The following TENM3 variants were observed in gnomAD, a reference collection of about 807,000 sequenced individuals.
TENM3 encodes teneurin transmembrane protein 3.
A neutral mutation model predicts 255.1 loss-of-function variants in TENM3; 63 were observed. That is an observed-to-expected ratio of 0.25 (90% CI 0.20 to 0.30). The LOEUF is 0.30. Ranked by LOEUF, TENM3 falls within the 10% of genes least tolerant of loss-of-function variation. TENM3 has a pLI of 1.00. For missense variants in TENM3, 2,929 were observed against 3,461.1 expected (o/e 0.85, Z 3.86); for synonymous variants, 1,306 against 1,322.3 (o/e 0.99, Z 0.27).
At chr4:182,581,582 CAAT>C (rs1745500930) in intron 3 of TENM3, among the ~76,000 whole-genome samples, 1 of 151,944 alleles carries the variant, frequency 6.6e-6, no homozygotes, top group African/African-American at 2.4e-5. Flanking sequence ...TACAAAAACA[CAAT>C]AATTAGGCAG....
the TENM3 span, among the ~76,000 whole-genome samples, chr4:181,664,225 TG>T: frequency 1.3e-5 from 2 of 152,244 alleles, no homozygotes; most frequent in Non-Finnish European, 2.9e-5. Context: ...CCCAGCACTT[TG>T]GGAAGCCAAG....
intron 2 of TENM3, among the ~76,000 whole-genome samples, chr4:182,343,664 C>A (rs975169103): frequency 2.0e-5 from 3 of 151,354 alleles, no homozygotes. Flanking sequence ...TCCTCCACAC[C>A]GCTTGTCGCA....
At chr4:181,892,923 T>C in the TENM3 span, among the ~76,000 whole-genome samples, 1 of 152,196 alleles carries the variant, frequency 6.6e-6, no homozygotes, top group Non-Finnish European at 1.5e-5. Flanking sequence ...GAACTGTGAA[T>C]TGTACCATTT....
the TENM3 span, among the ~76,000 whole-genome samples, chr4:181,641,642 T>TG: frequency 7.2e-5 from 3 of 41,698 alleles, no homozygotes; most frequent in Non-Finnish European, 1.6e-4. Context: ...ATATATATAA[T>TG]GGAAAATATA....
the TENM3 span, among the ~76,000 whole-genome samples, chr4:181,482,951 G>A: frequency 6.6e-6 from 1 of 152,120 alleles, no homozygotes; most frequent in Non-Finnish European, 1.5e-5. Flanking sequence ...TCCACCTTTT[G>A]TGCCACGAAG....
In TENM3 at chr4:182,793,217, C is replaced by G; in HGVS notation, c.6545C>G (p.Thr2182Ser). Residue 2182 changes from threonine (T) to serine (S), a missense_variant, in exon 26 of 28, where the codon ACT (threonine) becomes AGT (serine). Thr to Ser is a moderately conservative substitution (Grantham distance 58, BLOSUM62 1). Around this residue, in one of 6 missense-constraint regions of TENM3, gnomAD observed 256 missense variants for 389.3 expected, o/e 0.66. Transcript: ENST00000511685. The surrounding 1 kb of genome is among the most constrained non-coding windows in gnomAD (Gnocchi z 5.7). ...CGCTATGACCTGCGAGACAGAATCA[C>G]TCGACTGGGTGATGTTCAATATCGG... ...PLRYDLRDRI[T>S]RLGDVQYRLD... The G allele has an allele frequency of 1.2e-6, 2 of 1,613,934 alleles. No homozygotes were observed. Among genetic ancestry groups the G allele is most frequent in the Non-Finnish European group, 1.7e-6 (2 of 1,179,812 alleles).
intron 1 of TENM3, among the ~76,000 whole-genome samples, chr4:182,304,675 G>A (rs1762038684): frequency 6.6e-6 from 1 of 152,206 alleles, no homozygotes. Context: ...TGAAGCAGAG[G>A]AGGGGGTGGA....
At chr4:182,529,156 T>C (rs1739525480) in intron 3 of TENM3, among the ~76,000 whole-genome samples, 1 of 152,200 alleles carries the variant, frequency 6.6e-6, no homozygotes, top group South Asian at 2.1e-4. Flanking sequence ...TATTTTCATA[T>C]AGAAAGGAAG....
At chr4:182,654,549 G>C (rs1397654410) in intron 6 of TENM3, among the ~76,000 whole-genome samples, 1 of 151,954 alleles carries the variant, frequency 6.6e-6, no homozygotes, top group Non-Finnish European at 1.5e-5. Context: ...ACATGTCTTG[G>C]CCTTGGTATC....
the TENM3 span, among the ~76,000 whole-genome samples, chr4:181,788,155 A>G: frequency 6.6e-6 from 1 of 152,158 alleles, no homozygotes; most frequent in Non-Finnish European, 1.5e-5. Flanking sequence ...TAACACCCTT[A>G]AATTAAAGAA....
At chr4:181,483,632 T>C in the TENM3 span, among the ~76,000 whole-genome samples, 1 of 152,184 alleles carries the variant, frequency 6.6e-6, no homozygotes, top group Non-Finnish European at 1.5e-5. Flanking sequence ...TTCTCAGACA[T>C]GGTTTTACAT....
chr4:182,283,576 G>T (rs1760536965), intron 1 of TENM3, among the ~76,000 whole-genome samples: 1 of 152,196 alleles, frequency 6.6e-6, no homozygotes, highest in Non-Finnish European at 1.5e-5. Context: ...AAGATGGAGT[G>T]GCAGAGCTCA....
the TENM3 span, among the ~76,000 whole-genome samples, chr4:181,897,112 C>T: frequency 6.6e-6 from 1 of 152,312 alleles, no homozygotes; most frequent in South Asian, 2.1e-4. Flanking sequence ...CCCAATTGTT[C>T]CTTCTTCCCT....
At chr4:182,027,271 A>G in the TENM3 span, among the ~76,000 whole-genome samples, 1 of 152,118 alleles carries the variant, frequency 6.6e-6, no homozygotes, top group African/African-American at 2.4e-5. Context: ...ATTTCTCTTC[A>G]GATTGCTCAC....
rs533116169 is a variant in TENM3, at chr4:182,474,004, A to G, written c.512-126920A>G. 1.2e-4 allele frequency among the ~76,000 whole-genome samples: 18 copies of G among 152,290 alleles called. No individual in the cohort carries two copies. The South Asian group carries it at 3.5e-3, about 30-fold the overall frequency. On this transcript the variant is annotated intron_variant, in intron 3 of 27. Transcript: ENST00000511685. ...ATAAATAAAATTGTATTGGAAATGT[A>G]TCTCCTGATGAGATGAGGTGGTAAT...
chr4:182,100,854 T>C, the TENM3 span, among the ~76,000 whole-genome samples: 3 of 8,464 alleles, frequency 3.5e-4, 1 homozygote, highest in Non-Finnish European at 8.5e-4. Context: ...TATATATATA[T>C]ATACTCATAT....
chr4:182,264,529 CCTT>C (rs1759102398), intron 1 of TENM3, among the ~76,000 whole-genome samples: 1 of 152,186 alleles, frequency 6.6e-6, no homozygotes, highest in African/African-American at 2.4e-5. Flanking sequence ...ACTCTAGACT[CCTT>C]CTGGGAAAAA....
the TENM3 span, among the ~76,000 whole-genome samples, chr4:181,519,607 G>A: frequency 6.6e-6 from 1 of 152,180 alleles, no homozygotes; most frequent in Non-Finnish European, 1.5e-5. Flanking sequence ...GAACTATTCG[G>A]AGATTGTGAT....
At chr4:182,708,633 A>C (rs143547804) in intron 12 of TENM3, among the ~76,000 whole-genome samples, 1 of 152,042 alleles carries the variant, frequency 6.6e-6, no homozygotes, top group Non-Finnish European at 1.5e-5. Flanking sequence ...CCCCACCTCT[A>C]CTAAAAATAC....
Sources: allele counts gnomAD v4.1 joint callset (sites outside exome capture counted in the v4.1 genomes callset), GRCh38; gene constraint gnomAD v4.1.1; regional missense constraint gnomAD v4.1.1; non-coding constraint Gnocchi (gnomAD v3.1); transcripts MANE v1.5; gene names NCBI Gene and HGNC (gene_info 2026-07-23, HGNC 2026-07-21).